The following ANK3 variants were observed in gnomAD, a reference collection of about 807,000 sequenced individuals.
The protein encoded by ANK3 is ankyrin-3.
In ANK3, 57 loss-of-function variants were observed where a neutral mutation model predicts 370.9. The observed-to-expected ratio is 0.15, with a 90% CI of 0.12 to 0.19. ANK3 has a LOEUF of 0.19. ANK3 is among the 10% of genes least tolerant of loss of function. The pLI is 1.00. For missense variants in ANK3, 4,439 were observed against 5,302.1 expected (o/e 0.84, Z 5.06); for synonymous variants, 1,929 against 1,946.3 (o/e 0.99, Z 0.23).
intron 2 of ANK3, among the ~76,000 whole-genome samples, chr10:60,444,632 GA>G (rs1567046167): frequency 6.6e-6 from 1 of 151,950 alleles, no homozygotes; most frequent in South Asian, 2.1e-4. Context: ...ACAGTGTTTG[GA>G]ATTTTAACTG....
rs111706825 is a variant in ANK3, at chr10:60,074,828, A to C, written c.6053T>G (p.Val2018Gly). Reference sequence around the variant, plus strand: ...CTTTTCGGAGGCGGCTTTTGCTTTTACTTGCACTCTCTCTGGCAGAGATGG... The same window carrying C: ...CTTTTCGGAGGCGGCTTTTGCTTTTCCTTGCACTCTCTCTGGCAGAGATGG... Reference protein sequence around the residue: ...QSPSLPERVQVKAKAASEKDY... With the variant: ...QSPSLPERVQGKAKAASEKDY... The change falls in exon 37 of 44, where the codon GTA (valine) becomes GGA (glycine). Residue 2018 changes from valine to glycine, a missense_variant. Val to Gly is a moderately radical substitution (Grantham distance 109). Transcript: ENST00000280772. 6 of 1,613,582 alleles carry C rather than the reference A, an allele frequency of 3.7e-6. 1 individual carries two copies. In the African/African-American group the frequency reaches 5.3e-5, roughly 14 times the overall value.
rs374512633 is a variant in ANK3 at position 60,076,026 on chromosome 10, T to G, written c.4855A>C (p.Thr1619Pro). Residue 1619 changes from threonine to proline, a missense_variant, in exon 37 of 44, where the codon ACG becomes CCG. Physicochemically the swap from Thr to Pro is conservative, Grantham distance 38. This residue lies in a region of ANK3 where 679 missense variants were observed against 791.0 expected (regional missense o/e 0.86). Transcript: ENST00000280772. ...TPLKGLASNSTFSSRTSPVTT... is the reference protein window; with the variant it reads ...TPLKGLASNSPFSSRTSPVTT... Reference sequence around the variant, plus strand: ...ACTGGAGAGGTTCGAGAGGAAAACGTAGAATTGGATGCCAGCCCTTTTAAG... The same window carrying G: ...ACTGGAGAGGTTCGAGAGGAAAACGGAGAATTGGATGCCAGCCCTTTTAAG... The G allele has an allele frequency of 3.7e-5, 60 of 1,614,020 alleles. No individual in the cohort carries two copies. Among genetic ancestry groups the G allele is most frequent in the Middle Eastern group, 1.6e-4 (1 of 6,082 alleles).
chr10:60,417,180 C>A (rs1421566887), intron 2 of ANK3, among the ~76,000 whole-genome samples: 1 of 152,156 alleles, frequency 6.6e-6, no homozygotes, highest in East Asian at 1.9e-4. Flanking sequence ...AAGCAGAGAT[C>A]TCTGGGGAAC....
chr10:60,270,123 T>G lies in ANK3; in HGVS notation c.513+8A>C. On this transcript the variant is annotated splice_region_variant and intron_variant, in intron 5 of 43. Coordinates refer to ENST00000280772, the MANE Select transcript of ANK3 (RefSeq NM_020987.5). ...GAACTCACCCACAGGAAAAAAACAG[T>G]ATCTTACCTCTGTGGCTAGGCTCTG... 9 of 1,550,718 alleles carry G rather than the reference T, an allele frequency of 5.8e-6. No individual in the cohort carries two copies. Among genetic ancestry groups the G allele is most frequent in the Non-Finnish European group, 7.8e-6 (9 of 1,146,732 alleles).
intron 2 of ANK3, among the ~76,000 whole-genome samples, chr10:60,408,256 C>T (rs2063492630): frequency 6.6e-6 from 1 of 152,154 alleles, no homozygotes; most frequent in Admixed American, 6.6e-5. Context: ...ATTGTCACCT[C>T]CATCATGTTT....
At chr10:60,490,454 C>G (rs756540130) in intron 2 of ANK3, among the ~76,000 whole-genome samples, 1 of 151,418 alleles carries the variant, frequency 6.6e-6, no homozygotes, top group African/African-American at 2.4e-5. Context: ...TGTTGTCCTG[C>G]CTTCCTACTT....
intron 23 of ANK3, among the ~76,000 whole-genome samples, chr10:60,150,074 C>T (rs555766250): frequency 5.3e-5 from 8 of 152,314 alleles, no homozygotes; most frequent in African/African-American, 1.9e-4. Flanking sequence ...CTTCCTCTAG[C>T]ACCCACTCCT....
intron 2 of ANK3, among the ~76,000 whole-genome samples, chr10:60,590,809 T>C (rs1218322058): frequency 2.6e-5 from 4 of 152,248 alleles, no homozygotes; most frequent in Admixed American, 6.5e-5. Context: ...ACAATGTAGA[T>C]GCTATGTAAA....
At chr10:60,434,171 TTTC>T (rs2064100459) in intron 2 of ANK3, among the ~76,000 whole-genome samples, 1 of 152,266 alleles carries the variant, frequency 6.6e-6, no homozygotes, top group Non-Finnish European at 1.5e-5. Flanking sequence ...TGCTCTCATA[TTTC>T]TTGATTAAAG....
rs1045301574 is a variant in ANK3 at position 60,420,591 on chromosome 10, A to T, written c.97-140952T>A. On this transcript the variant is annotated intron_variant, in intron 2 of 43. Transcript: ENST00000373827. The stretch of plus-strand genomic sequence containing the variant: ...GTGTCCCACTTAGTGGGCATATATT[A>T]AAAAAAAAAGTTTCTAGGACAGTAT... Among the ~76,000 whole-genome samples the T allele has an allele frequency of 4.2e-5, 6 of 142,522 alleles. No homozygotes were observed. In the East Asian group the frequency reaches 7.8e-4, roughly 19 times the overall value. The allele number at this position is 142,522 out of a possible 152,430, so 93.5% of individuals were successfully genotyped here.
intron 1 of ANK3, chr10:60,733,188 G>A: frequency 3.3e-6 from 4 of 1,208,236 alleles, no homozygotes; most frequent in Non-Finnish European, 4.1e-6. Flanking sequence ...CCCGGCCCGG[G>A]CCTCCCGCCC....
chr10:60,160,091 T>C (rs1271865150), intron 23 of ANK3, among the ~76,000 whole-genome samples: 1 of 151,940 alleles, frequency 6.6e-6, no homozygotes, highest in Non-Finnish European at 1.5e-5. Context: ...AAATTGAGAC[T>C]AAAAATATAC....
chr10:60,337,947 T>A (rs2053402780), intron 1 of ANK3, among the ~76,000 whole-genome samples: 1 of 152,208 alleles, frequency 6.6e-6, no homozygotes, highest in Non-Finnish European at 1.5e-5. Flanking sequence ...TGATTTTCCA[T>A]ATGACATTTC....
intron 1 of ANK3, among the ~76,000 whole-genome samples, chr10:60,318,777 T>A (rs1027999074): frequency 1.3e-5 from 2 of 152,176 alleles, no homozygotes; most frequent in African/African-American, 4.8e-5. Context: ...ATCTCCCTCT[T>A]CATGTTATGA....
intron 24 of ANK3, among the ~76,000 whole-genome samples, chr10:60,135,227 G>A (rs1489640284): frequency 1.3e-5 from 2 of 152,162 alleles, no homozygotes; most frequent in Admixed American, 1.3e-4. Context: ...GCTAATCTGA[G>A]TCTTCACAGA....
At chr10:60,361,415 A>C (rs2058589192) in intron 1 of ANK3, among the ~76,000 whole-genome samples, 1 of 152,162 alleles carries the variant, frequency 6.6e-6, no homozygotes, top group Non-Finnish European at 1.5e-5. Context: ...ACTTCTTCAA[A>C]GTTTCTATGG....
At chr10:60,353,657 A>G (rs2057292856) in intron 1 of ANK3, among the ~76,000 whole-genome samples, 1 of 152,184 alleles carries the variant, frequency 6.6e-6, no homozygotes, top group Non-Finnish European at 1.5e-5. Context: ...GCCATCTCTC[A>G]TTCTATTCCC....
intron 1 of ANK3, among the ~76,000 whole-genome samples, chr10:60,328,116 T>A (rs1391141121): frequency 1.3e-5 from 2 of 152,230 alleles, no homozygotes; most frequent in African/African-American, 4.8e-5. Context: ...CTTGATTCAC[T>A]TAAACTAGAT....
chr10:60,356,204 CT>C (rs2057712642), intron 1 of ANK3, among the ~76,000 whole-genome samples: 1 of 152,206 alleles, frequency 6.6e-6, no homozygotes, highest in Non-Finnish European at 1.5e-5. Flanking sequence ...TCTTCACACA[CT>C]TCCCTGAGAA....
Sources: gnomAD v4.1 joint callset for allele counts (sites outside exome capture counted in the v4.1 genomes callset) on GRCh38, gnomAD v4.1.1 for gene constraint, gnomAD v4.1.1 regional missense constraint, MANE v1.5 for transcripts, NCBI Gene and HGNC (gene_info 2026-07-23, HGNC 2026-07-21) for gene names.